MACF1: variants seen among roughly 807,000 people sequenced by gnomAD.
MACF1 encodes the protein microtubule actin crosslinking factor 1.
MACF1 carries 193 observed loss-of-function variants against 854.8 expected under a neutral mutation model. That is an observed-to-expected ratio of 0.23 (90% CI 0.20 to 0.25). MACF1 has a LOEUF of 0.25. MACF1 is among the 10% of genes least tolerant of loss of function. The pLI is 1.00. For missense variants in MACF1, 7,722 were observed against 8,929.1 expected, an observed-to-expected ratio of 0.86 and a Z score of 5.45; for synonymous variants, 3,185 against 3,226.7, an observed-to-expected ratio of 0.99 and a Z score of 0.44.
intron 4 of MACF1, among the ~76,000 whole-genome samples, chr1:39,253,363 A>C (rs553911813): frequency 2.0e-5 from 3 of 152,248 alleles, no homozygotes; most frequent in Non-Finnish European, 4.4e-5. Flanking sequence ...TTCATGCTGG[A>C]GTAAAGGGTG....
chr1:39,133,549 C>T (rs1643069249), intron 2 of MACF1, among the ~76,000 whole-genome samples: 1 of 152,092 alleles, frequency 6.6e-6, no homozygotes, highest in African/African-American at 2.4e-5. Context: ...TCCTCCTCCT[C>T]CTCCTTCTTC....
intron 49 of MACF1, among the ~76,000 whole-genome samples, chr1:39,362,603 C>G (rs1317287030): frequency 6.6e-6 from 1 of 152,108 alleles, no homozygotes; most frequent in Non-Finnish European, 1.5e-5. Flanking sequence ...CAAGCTGTCT[C>G]CTGTGGCTTT....
At chr1:39,304,461 C>T (rs1466796722) in intron 23 of MACF1, 8 of 1,438,276 alleles carry the variant, frequency 5.6e-6, no homozygotes, top group African/African-American at 2.8e-5. Context: ...GATCCAACAG[C>T]GACTACTGTT....
intron 61 of MACF1, among the ~76,000 whole-genome samples, chr1:39,425,285 C>T (rs1643688470): frequency 6.6e-6 from 1 of 152,120 alleles, no homozygotes; most frequent in African/African-American, 2.4e-5. Flanking sequence ...GACTTACGAG[C>T]TCTCACTAGG....
intron 69 of MACF1, 123 bp downstream of exon 69, chr1:39,434,755 T>A: frequency 2.7e-6 from 2 of 747,746 alleles, no homozygotes; most frequent in Non-Finnish European, 4.3e-6. Context: ...CTTAATCAGT[T>A]AGAATTCCTT....
chr1:39,143,152 A>G (rs72661903), intron 2 of MACF1, among the ~76,000 whole-genome samples: 13 of 152,342 alleles, frequency 8.5e-5, no homozygotes, highest in Admixed American at 5.9e-4. Flanking sequence ...TTATCAAGAT[A>G]GTCAACTAAC....
chr1:39,283,312 GTTTAC>G lies in MACF1; in HGVS notation c.808+13_808+17del. ...TGCTGGATGCAGAAGGTGAGAGGGA[GTTTAC>G]TGAACTTGAGTAAGGAACACGTATT... On this transcript the variant is annotated intron_variant, in intron 8 of 100. Coordinates refer to ENST00000564288, the MANE Select transcript of MACF1 (RefSeq NM_001394062.1). This position sits in a 1 kb window ranked among gnomAD's most constrained non-coding sequence, Gnocchi z 4.5. 1.2e-6 allele frequency: 2 copies of G among 1,602,718 alleles called. No homozygotes were observed. Among genetic ancestry groups the G allele is most frequent in the Non-Finnish European group, 1.7e-6 (2 of 1,169,634 alleles).
chr1:39,181,088 A>G (rs905516463), intron 2 of MACF1, among the ~76,000 whole-genome samples: 11 of 152,134 alleles, frequency 7.2e-5, no homozygotes, highest in African/African-American at 2.7e-4. Context: ...TTGTATTTTT[A>G]GTAGAGATGG....
intron 80 of MACF1, among the ~76,000 whole-genome samples, chr1:39,445,655 A>C (rs1644212844): frequency 6.6e-6 from 1 of 152,226 alleles, no homozygotes; most frequent in Non-Finnish European, 1.5e-5. Context: ...AAAGGACCTA[A>C]GTGTATGCTA....
At position 39,357,578 on chromosome 1, in the gene MACF1, G is replaced by C; in HGVS notation, c.11628G>C (p.Gln3876His). ...EAELKQVQTL[Q>H]DELQKFLQDH... ...AACTGAAGCAGGTGCAGACACTTCA[G>C]GATGAGTTGCAGAAATTTCTGCAGG... The change falls in exon 45 of 101, where the codon CAG becomes CAC. Residue 3876 changes from glutamine to histidine, a missense_variant. Gln to His is a conservative substitution (Grantham distance 24, BLOSUM62 0). Coordinates refer to ENST00000564288, the MANE Select transcript of MACF1 (RefSeq NM_001394062.1). The C allele has an allele frequency of 6.2e-7, 1 of 1,614,124 alleles. No individual in the cohort carries two copies. Among genetic ancestry groups the C allele is most frequent in the Non-Finnish European group, 8.5e-7 (1 of 1,179,996 alleles).
intron 89 of MACF1, 87 bp from the exon 90 acceptor site, chr1:39,458,283 T>C: frequency 7.4e-7 from 1 of 1,360,200 alleles, no homozygotes; most frequent in Non-Finnish European, 1.0e-6. Flanking sequence ...CCACAGGCCG[T>C]AAAGTACCCA....
Position 39,484,580 on chromosome 1 carries a change from CT to C in MACF1, c.22282-16del. 1 of 1,602,290 alleles carries C rather than the reference CT, an allele frequency of 6.2e-7. No homozygotes were observed. The highest frequency in any genetic ancestry group is 1.1e-5 in the South Asian group (1 of 89,310). On this transcript the variant is annotated intron_variant, in intron 99 of 100. Coordinates refer to ENST00000564288, the MANE Select transcript of MACF1 (RefSeq NM_001394062.1). The stretch of plus-strand genomic sequence containing the variant: ...AAGATTTTACCAAGTAAAATGTGAC[CT>C]TTTTATTATTTTTTTTAAGGTTATC...
At chr1:39,484,489 A>T (rs1437690008) in intron 99 of MACF1, 112 bp from the exon 100 acceptor site, 1 of 918,210 alleles carries the variant, frequency 1.1e-6, no homozygotes, top group Non-Finnish European at 1.7e-6. Flanking sequence ...TGGACTTTTA[A>T]TTTGCTTTTC....
intron 22 of MACF1, 151 bp downstream of exon 22, chr1:39,300,513 A>T: frequency 1.2e-6 from 1 of 855,618 alleles, no homozygotes. Flanking sequence ...CATTTAAAAA[A>T]AAAAACTAAA....
intron 58 of MACF1, chr1:39,410,500 G>A (rs202128025): frequency 4.0e-5 from 65 of 1,613,934 alleles, no homozygotes; most frequent in Non-Finnish European, 5.3e-5. Context: ...ATTAGGAGCA[G>A]CATCTAATGT....
chr1:39,353,831 G>A (rs4660690), intron 44 of MACF1, among the ~76,000 whole-genome samples: 24,279 of 151,170 alleles, frequency 0.16, 2,407 homozygotes, highest in Middle Eastern at 0.22. Flanking sequence ...AAATCTTATG[G>A]TAATTATATT....
chr1:39,183,674 CT>C (rs1644132267), intron 2 of MACF1, among the ~76,000 whole-genome samples: 1 of 152,156 alleles, frequency 6.6e-6, no homozygotes, highest in Non-Finnish European at 1.5e-5. Context: ...TACCTTAGTT[CT>C]TACTTCATCC....
At chr1:39,404,437 C>T (rs894269491) in intron 58 of MACF1, among the ~76,000 whole-genome samples, 1 of 151,500 alleles carries the variant, frequency 6.6e-6, no homozygotes, top group Non-Finnish European at 1.5e-5. Flanking sequence ...TGTCACTGCA[C>T]CCCAGCCTGG....
intron 99 of MACF1, among the ~76,000 whole-genome samples, chr1:39,484,155 AAAAAT>A (rs974154522): frequency 6.6e-6 from 1 of 152,260 alleles, no homozygotes; most frequent in African/African-American, 2.4e-5. Flanking sequence ...TCCGTCTCAA[AAAAAT>A]AAAATAAAAA....
Sources: gnomAD v4.1 joint callset for allele counts (sites outside exome capture counted in the v4.1 genomes callset) on GRCh38, gnomAD v4.1.1 for gene constraint, Gnocchi (gnomAD v3.1) non-coding constraint, MANE v1.5 for transcripts, NCBI Gene and HGNC (gene_info 2026-07-23, HGNC 2026-07-21) for gene names.